FARS2: variants seen among roughly 807,000 people sequenced by gnomAD.
FARS2 encodes the protein phenylalanyl-tRNA synthetase 2, mitochondrial.
FARS2 carries 40 observed loss-of-function variants against 46.4 expected under a neutral mutation model. That is an observed-to-expected ratio of 0.86 (90% CI 0.67 to 1.12). The LOEUF (loss-of-function observed/expected upper bound fraction) is 1.12, where lower values mean the gene tolerates loss of function less well. Ranked by LOEUF, FARS2 falls within the 50% of genes most tolerant of loss-of-function variation. The pLI is 0.00. For synonymous variants in FARS2, 234 were observed against 214.9 expected, an observed-to-expected ratio of 1.09 and a Z score of -0.78; for missense variants, 513 against 567.9, an observed-to-expected ratio of 0.90 and a Z score of 0.98.
At chr6:5,544,988 G>A (rs1234516764) in intron 4 of FARS2, among the ~76,000 whole-genome samples, 192 bp from the exon 5 acceptor site, 2 of 152,174 alleles carry the variant, frequency 1.3e-5, no homozygotes, top group African/African-American at 4.8e-5. Flanking sequence ...CGTTCATGAG[G>A]GCAGTCCGGA....
chr6:5,547,575 A>T (rs1330865947), intron 5 of FARS2, among the ~76,000 whole-genome samples: 2 of 152,108 alleles, frequency 1.3e-5, no homozygotes, highest in Admixed American at 1.3e-4. Flanking sequence ...AGAGTTTGGG[A>T]TCTAACCATG....
intron 1 of FARS2, among the ~76,000 whole-genome samples, chr6:5,352,996 A>G (rs909187319): frequency 6.6e-6 from 1 of 152,208 alleles, no homozygotes; most frequent in African/African-American, 2.4e-5. Flanking sequence ...CCTTCTGCAC[A>G]GTAGCACACC....
intron 1 of FARS2, among the ~76,000 whole-genome samples, chr6:5,332,394 T>C (rs1770857188): frequency 6.6e-6 from 1 of 152,066 alleles, no homozygotes; most frequent in Admixed American, 6.5e-5. Flanking sequence ...ATATATGAAG[T>C]GCTAAGAATC....
chr6:5,330,176 A>G (rs905711438), intron 1 of FARS2, among the ~76,000 whole-genome samples: 1 of 152,160 alleles, frequency 6.6e-6, no homozygotes, highest in Non-Finnish European at 1.5e-5. Flanking sequence ...ATCCCTATCA[A>G]TCAAGATACC....
upstream of FARS2, chr6:5,260,520 G>A: frequency 1.5e-6 from 2 of 1,291,082 alleles, no homozygotes; most frequent in Non-Finnish European, 2.1e-6. Context: ...GCGGAGCCCG[G>A]TCCTTGCCTC....
intron 1 of FARS2, among the ~76,000 whole-genome samples, chr6:5,321,003 G>C (rs1322733582): frequency 6.6e-6 from 1 of 152,206 alleles, no homozygotes; most frequent in African/African-American, 2.4e-5. Flanking sequence ...AATTTTGCAA[G>C]AGAAAGTTAC....
At chr6:5,409,863 T>C (rs1761832024) in intron 3 of FARS2, among the ~76,000 whole-genome samples, 2 of 152,230 alleles carry the variant, frequency 1.3e-5, no homozygotes, top group South Asian at 4.1e-4. Context: ...CTGCCGGTTG[T>C]GTTGCCACGA....
At chr6:5,498,217 A>G (rs998855806) in intron 4 of FARS2, among the ~76,000 whole-genome samples, 1 of 152,240 alleles carries the variant, frequency 6.6e-6, no homozygotes, top group Admixed American at 6.5e-5. Context: ...CTAAATTGGA[A>G]ACACATCCTC....
the FARS2 span, among the ~76,000 whole-genome samples, chr6:5,253,171 G>C: frequency 1.3e-5 from 2 of 152,158 alleles, no homozygotes; most frequent in African/African-American, 4.8e-5. Context: ...TGAAGAATTA[G>C]GGAGTTCTGA....
At chr6:5,710,705 C>T (rs1171893018) in intron 6 of FARS2, among the ~76,000 whole-genome samples, 2 of 152,224 alleles carry the variant, frequency 1.3e-5, no homozygotes, top group Non-Finnish European at 2.9e-5. Flanking sequence ...GCAAGAGCTG[C>T]CCAGAGAGAG....
rs377714706 is a variant in FARS2 at position 5,354,982 on chromosome 6, T to C, written c.-21-13568T>C. The stretch of plus-strand genomic sequence containing the variant: ...CAATGTCACTGGTCTTGGGACTGTA[T>C]TTTGAGAACTACTGTTGTATTCAAA... On this transcript the variant is annotated intron_variant, in intron 1 of 6. Coordinates refer to ENST00000274680, the MANE Select transcript of FARS2 (RefSeq NM_006567.5). 1.4e-3 allele frequency among the ~76,000 whole-genome samples: 213 copies of C among 152,304 alleles called. 7 individuals are homozygous for C. The South Asian group carries it at 0.043, about 31-fold the overall frequency.
At chr6:5,607,705 G>C (rs182758698) in intron 5 of FARS2, among the ~76,000 whole-genome samples, 1 of 152,056 alleles carries the variant, frequency 6.6e-6, no homozygotes, top group Non-Finnish European at 1.5e-5. Flanking sequence ...CTGGCCAATG[G>C]TGTAAATAAC....
chr6:5,689,734 G>A (rs1582769931), intron 6 of FARS2, among the ~76,000 whole-genome samples: 2 of 152,184 alleles, frequency 1.3e-5, no homozygotes, highest in African/African-American at 4.8e-5. Flanking sequence ...GCAGAGCTGA[G>A]TTCAGTTCCT....
chr6:5,581,126 A>C (rs1773304214), intron 5 of FARS2, among the ~76,000 whole-genome samples: 1 of 152,244 alleles, frequency 6.6e-6, no homozygotes, highest in African/African-American at 2.4e-5. Context: ...CATTTTCACA[A>C]CTGGATTTGC....
chr6:5,328,390 G>T (rs1229502489), intron 1 of FARS2, among the ~76,000 whole-genome samples: 3 of 152,068 alleles, frequency 2.0e-5, no homozygotes, highest in African/African-American at 7.2e-5. Context: ...AAAGTTAGGG[G>T]GTTTTGTTTG....
chr6:5,545,989 A>G (rs1346283053), intron 5 of FARS2, among the ~76,000 whole-genome samples: 3 of 152,008 alleles, frequency 2.0e-5, no homozygotes, highest in Non-Finnish European at 4.4e-5. Context: ...TTAGCTGGGC[A>G]TGGTGGCACG....
rs1357944124 is a variant in FARS2, at chr6:5,764,981, T to G, written c.1218-6310T>G. Among the ~76,000 whole-genome samples, 1 of 152,236 alleles carries G rather than the reference T, an allele frequency of 6.6e-6. No homozygotes were observed. The highest frequency in any genetic ancestry group is 1.9e-4 in the East Asian group (1 of 5,202). ...GTACTTGTTAGTTGTATCACTTAAG[T>G]TGATCGGGAAAAGAAAATAATCACT... On this transcript the variant is annotated intron_variant, in intron 6 of 6. Transcript: ENST00000274680. This position sits in a 1 kb window ranked among gnomAD's most constrained non-coding sequence, Gnocchi z 4.1.
At chr6:5,766,211 C>T (rs747849056) in intron 6 of FARS2, among the ~76,000 whole-genome samples, 7 of 152,234 alleles carry the variant, frequency 4.6e-5, no homozygotes, top group Non-Finnish European at 7.3e-5. Context: ...TTCTGTCCTT[C>T]GGGGCAGGCT....
rs1198856591 is a variant in FARS2, at chr6:5,613,210, C to T, written c.1107C>T (p.Phe369=). 6.2e-7 allele frequency: 1 copy of T among 1,612,996 alleles called. No homozygotes were observed. Among genetic ancestry groups the T allele is most frequent in the Non-Finnish European group, 8.5e-7 (1 of 1,179,428 alleles). ...KYPAVINDIS[F]WLPSENYAEN... ...CGGCTGTGATCAATGATATTTCATT[C>T]TGGTTGCCCTCTGAGAATTACGCAG... Residue 369 remains phenylalanine, a synonymous_variant, in exon 6 of 7, where the codon TTC becomes TTT. Coordinates refer to ENST00000274680, the MANE Select transcript of FARS2 (RefSeq NM_006567.5).
Sources: gnomAD v4.1 joint callset for allele counts (sites outside exome capture counted in the v4.1 genomes callset) on GRCh38, gnomAD v4.1.1 for gene constraint, Gnocchi (gnomAD v3.1) non-coding constraint, MANE v1.5 for transcripts, NCBI Gene and HGNC (gene_info 2026-07-23, HGNC 2026-07-21) for gene names.